The following FOXP1 variants were observed in gnomAD, a reference collection of about 807,000 sequenced individuals.
FOXP1 encodes forkhead box protein P1.
FOXP1 carries 15 observed loss-of-function variants against 98.2 expected under a neutral mutation model. The observed-to-expected ratio is 0.15, with a 90% CI of 0.10 to 0.24. The LOEUF (loss-of-function observed/expected upper bound fraction) is 0.24, where lower values mean the gene tolerates loss of function less well. Ranked by LOEUF, FOXP1 falls within the 10% of genes least tolerant of loss-of-function variation. The pLI is 1.00. For missense variants in FOXP1, 633 were observed against 848.5 expected (o/e 0.75, Z 3.15); for synonymous variants, 371 against 314.5 (o/e 1.18, Z -1.90).
chr3:71,429,318 G>T (rs76645713), intron 3 of FOXP1, among the ~76,000 whole-genome samples: 2 of 152,214 alleles, frequency 1.3e-5, no homozygotes, highest in East Asian at 3.9e-4. Context: ...AGCAGGAAAA[G>T]AAATTATTCT....
At chr3:71,423,053 C>A (rs2083790611) in intron 3 of FOXP1, among the ~76,000 whole-genome samples, 1 of 152,156 alleles carries the variant, frequency 6.6e-6, no homozygotes, top group South Asian at 2.1e-4. Flanking sequence ...TCTGAGGCCT[C>A]CAACTCTCCA....
At chr3:71,020,202 TTAGA>T (rs1435614844) in intron 11 of FOXP1, among the ~76,000 whole-genome samples, 1 of 152,148 alleles carries the variant, frequency 6.6e-6, no homozygotes, top group Admixed American at 6.5e-5. Flanking sequence ...GCATTTCAGA[TTAGA>T]AAGAACCAAC....
In FOXP1 at chr3:71,232,877, C is replaced by CAAAAAAAAAAAAAAAAAAAAAAAAAAAA. The variant is rs59404230; in HGVS notation, c.-11-34486_-11-34485insTTTTTTTTTTTTTTTTTTTTTTTTTTTT. ...CGTGCCACAGAGCAAAACTCTGTCT[C>CAAAAAAAAAAAAAAAAAAAAAAAAAAAA]AAAAAAAAAAAAAAAAAAAGCAAGA... is the stretch of plus-strand genomic sequence containing the variant. On this transcript the variant is annotated intron_variant, in intron 5 of 20. Transcript: ENST00000649528. Among the ~76,000 whole-genome samples the CAAAAAAAAAAAAAAAAAAAAAAAAAAAA allele has an allele frequency of 1.8e-3, 58 of 31,418 alleles. 10 individuals carry two copies. Among genetic ancestry groups the CAAAAAAAAAAAAAAAAAAAAAAAAAAAA allele is most frequent in the Middle Eastern group, 0.045 (1 of 22 alleles). The allele number at this position is 31,418 out of a possible 152,430, so 20.6% of individuals were successfully genotyped here. A position where few individuals can be genotyped will look rare whatever the true frequency, so the allele number is the denominator to read the frequency against.
chr3:71,480,833 G>A (rs1035316289), intron 3 of FOXP1, among the ~76,000 whole-genome samples: 2 of 152,104 alleles, frequency 1.3e-5, no homozygotes, highest in Admixed American at 1.3e-4. Flanking sequence ...GAACTTCCTA[G>A]CCCTAACAGC....
chr3:71,083,808 C>G (rs893962957), intron 7 of FOXP1, among the ~76,000 whole-genome samples: 25 of 152,164 alleles, frequency 1.6e-4, no homozygotes, highest in Non-Finnish European at 2.2e-4. Flanking sequence ...GCTCTGTGAG[C>G]GTACACACTC....
chr3:71,285,800 T>A (rs2072057830), intron 5 of FOXP1, among the ~76,000 whole-genome samples: 1 of 152,206 alleles, frequency 6.6e-6, no homozygotes, highest in African/African-American at 2.4e-5. Flanking sequence ...AACACAGAAA[T>A]CTACAATTAC....
At chr3:70,979,088 G>A (rs2038209825) in intron 14 of FOXP1, among the ~76,000 whole-genome samples, 1 of 151,452 alleles carries the variant, frequency 6.6e-6, no homozygotes. Flanking sequence ...ACAACATGGT[G>A]AAACTCTGTC....
intron 3 of FOXP1, among the ~76,000 whole-genome samples, chr3:71,408,919 G>C (rs1189825642): frequency 6.6e-6 from 1 of 152,184 alleles, no homozygotes; most frequent in Non-Finnish European, 1.5e-5. Context: ...TATGTTTACT[G>C]AATCTTTGGA....
At chr3:71,554,721 G>C (rs1446220923) in intron 2 of FOXP1, among the ~76,000 whole-genome samples, 2 of 152,172 alleles carry the variant, frequency 1.3e-5, no homozygotes, top group African/African-American at 4.8e-5. Flanking sequence ...TCCAACGTAA[G>C]TGAAATTAAT....
intron 6 of FOXP1, among the ~76,000 whole-genome samples, chr3:71,145,166 C>T (rs1199732419): frequency 2.6e-5 from 4 of 152,194 alleles, no homozygotes; most frequent in South Asian, 2.1e-4. Flanking sequence ...TGTGAACATA[C>T]GTCCTCACTT....
intron 4 of FOXP1, among the ~76,000 whole-genome samples, chr3:71,325,233 A>C (rs987493658): frequency 5.3e-5 from 8 of 151,988 alleles, no homozygotes; most frequent in Non-Finnish European, 4.4e-5. Context: ...TTGTATTTTT[A>C]GTAGAAATGG....
chr3:71,023,181 C>G (rs2045657596), intron 11 of FOXP1, among the ~76,000 whole-genome samples: 1 of 152,230 alleles, frequency 6.6e-6, no homozygotes, highest in Non-Finnish European at 1.5e-5. Flanking sequence ...ACCGAGCATA[C>G]TCATCAGTAA....
In FOXP1 at chr3:71,211,331, G is replaced by A. The variant is rs546512706; in HGVS notation, c.-11-12939C>T. 5.9e-5 allele frequency among the ~76,000 whole-genome samples: 9 copies of A among 152,104 alleles called. No homozygotes were observed. In the East Asian group the frequency reaches 1.6e-3, roughly 26 times the overall value. On this transcript the variant is annotated intron_variant, in intron 5 of 20. Coordinates refer to ENST00000649528, the MANE Select transcript of FOXP1 (RefSeq NM_001349338.3). ...AGTGATTCTCCTGTCTCAGCTTCCCGAGTAGCTGGGATTACAGGGGTGTAC... is the reference window on the plus strand; with the variant it reads ...AGTGATTCTCCTGTCTCAGCTTCCCAAGTAGCTGGGATTACAGGGGTGTAC...
intron 5 of FOXP1, among the ~76,000 whole-genome samples, chr3:71,254,922 A>G (rs2068506368): frequency 6.6e-6 from 1 of 152,240 alleles, no homozygotes; most frequent in South Asian, 2.1e-4. Context: ...CTTGGGAGCA[A>G]GCAGCATGAG....
intron 2 of FOXP1, among the ~76,000 whole-genome samples, chr3:71,579,304 A>AAT (rs1199532647): frequency 2.6e-5 from 4 of 152,214 alleles, no homozygotes; most frequent in Non-Finnish European, 4.4e-5. Flanking sequence ...CATCTCCAGC[A>AAT]ATATAAACCC....
In FOXP1 at chr3:71,254,940, C is replaced by T. The variant is rs145106075; in HGVS notation, c.-12+44880G>A. On this transcript the variant is annotated intron_variant, in intron 5 of 20. Coordinates refer to ENST00000649528, the MANE Select transcript of FOXP1 (RefSeq NM_001349338.3). ...GGGAGCAAGCAGCATGAGAAGGTCA[C>T]AGCAACTTGAACGGAGCTTTTTAAA... Among the ~76,000 whole-genome samples the T allele has an allele frequency of 2.4e-3, 369 of 152,344 alleles. 2 individuals are homozygous for T. The highest frequency in any genetic ancestry group is 8.4e-3 in the African/African-American group (348 of 41,580).
intron 6 of FOXP1, chr3:71,130,577 G>A (rs759113786): frequency 4.4e-6 from 7 of 1,598,394 alleles, no homozygotes; most frequent in South Asian, 1.1e-5. Context: ...GATGGGTTCT[G>A]GCTGTTTCTG....
At chr3:71,352,533 T>C (rs895528307) in intron 4 of FOXP1, among the ~76,000 whole-genome samples, 3 of 147,672 alleles carry the variant, frequency 2.0e-5, no homozygotes, top group African/African-American at 7.5e-5. Flanking sequence ...TAGGTCCAGA[T>C]CCTACTTTGC....
At chr3:71,487,542 G>A (rs2090748871) in intron 3 of FOXP1, among the ~76,000 whole-genome samples, 1 of 152,174 alleles carries the variant, frequency 6.6e-6, no homozygotes, top group African/African-American at 2.4e-5. Flanking sequence ...AATTTAGGTG[G>A]AATAATTCTG....
Sources: gnomAD v4.1 joint callset for allele counts (sites outside exome capture counted in the v4.1 genomes callset) on GRCh38, gnomAD v4.1.1 for gene constraint, MANE v1.5 for transcripts, NCBI Gene and HGNC (gene_info 2026-07-23, HGNC 2026-07-21) for gene names.